Variants in UBE2V2 observed in about 807,000 individuals in gnomAD.
UBE2V2 encodes the protein ubiquitin conjugating enzyme E2 V2.
In UBE2V2, 9 loss-of-function variants were observed where a neutral mutation model predicts 17.2. The ratio of observed to expected loss-of-function variants is 0.52; its 90% CI spans 0.32 to 0.91. The LOEUF (loss-of-function observed/expected upper bound fraction) is 0.91. UBE2V2 is among the 40% of genes least tolerant of loss of function. UBE2V2 has a pLI of 0.04. For synonymous variants in UBE2V2, 61 were observed against 57.5 expected (o/e 1.06, Z -0.28); for missense variants, 133 against 182.6 (o/e 0.73, Z 1.56).
intron 1 of UBE2V2, 193 bp from the exon 2 acceptor site, chr8:48,042,839 AG>A (rs1343944173): frequency 2.0e-5 from 9 of 448,554 alleles, no homozygotes; most frequent in Non-Finnish European, 3.4e-5. Context: ...TGTTTGGTAC[AG>A]TGCTTTCTTT....
At chr8:48,030,727 C>A (rs2091376535) in intron 1 of UBE2V2, among the ~76,000 whole-genome samples, 1 of 151,416 alleles carries the variant, frequency 6.6e-6, no homozygotes, top group Non-Finnish European at 1.5e-5. Flanking sequence ...AAACAAAAAA[C>A]AAAACAAAAA....
At chr8:48,007,379 ATCT>A (rs765847431), upstream of UBE2V2, among the ~76,000 whole-genome samples, 13 of 152,160 alleles carry the variant, frequency 8.5e-5, no homozygotes, top group Non-Finnish European at 1.8e-4. Context: ...TCAGCCCCAA[ATCT>A]TCTTAAGCTG....
At chr8:48,030,791 G>T (rs1400456534) in intron 1 of UBE2V2, among the ~76,000 whole-genome samples, 5 of 152,146 alleles carry the variant, frequency 3.3e-5, no homozygotes, top group Non-Finnish European at 7.3e-5. Context: ...GGAGGCTGAG[G>T]TGGGCGGATC....
intron 1 of UBE2V2, among the ~76,000 whole-genome samples, chr8:48,032,829 A>ATTCTT (rs1196841295): frequency 2.6e-5 from 4 of 152,120 alleles, no homozygotes; most frequent in Admixed American, 2.6e-4. Flanking sequence ...GTCAACAAAT[A>ATTCTT]GTGTTCTTGA....
Position 48,008,463 on chromosome 8 carries a change from C to G in UBE2V2, c.9C>G (p.Val3=), listed in dbSNP as rs367584429. ...TCGGGCTGCAGGAGAAGATGGCGGT[C>G]TCCACAGGTCGGTTCCCGGGCCGGG... MA[V]STGVKVPRNF... Residue 3 remains valine, a synonymous_variant, in exon 1 of 4, where the codon GTC becomes GTG. Coordinates refer to ENST00000523111, the MANE Select transcript of UBE2V2 (RefSeq NM_003350.3). 1.8e-4 allele frequency: 276 copies of G among 1,567,950 alleles called. No individual in the cohort carries two copies. The highest frequency in any genetic ancestry group is 2.3e-4 in the Non-Finnish European group (262 of 1,159,254).
chr8:48,002,829 T>C, the UBE2V2 span, among the ~76,000 whole-genome samples: 1 of 152,186 alleles, frequency 6.6e-6, no homozygotes, highest in Non-Finnish European at 1.5e-5. Flanking sequence ...TACCAGAATA[T>C]GATACGTATG....
chr8:48,024,908 T>A (rs1019958156), intron 1 of UBE2V2, among the ~76,000 whole-genome samples: 1 of 152,026 alleles, frequency 6.6e-6, no homozygotes, highest in Non-Finnish European at 1.5e-5. Flanking sequence ...TGCAGGTAAA[T>A]ACATATATAT....
chr8:48,043,003 T>TTACATTAC, intron 1 of UBE2V2, 30 bp from the exon 2 acceptor site: 3 of 1,433,192 alleles, frequency 2.1e-6, no homozygotes, highest in Non-Finnish European at 2.8e-6. Context: ...TATGAGCTTT[T>TTACATTAC]TACATTTACA....
the UBE2V2 span, among the ~76,000 whole-genome samples, chr8:47,997,468 T>A: frequency 6.6e-6 from 1 of 152,016 alleles, no homozygotes. Context: ...GTCATCCGCA[T>A]GGGCCTGGGC....
upstream of UBE2V2, among the ~76,000 whole-genome samples, chr8:48,005,315 A>G (rs1463546208): frequency 6.6e-6 from 1 of 152,172 alleles, no homozygotes; most frequent in African/African-American, 2.4e-5. Flanking sequence ...GACGGTTTCC[A>G]GCATCATCCA....
rs202049026 is a variant in UBE2V2, at chr8:48,053,807, G to GT, written c.291+3843dup. ...TGGCTTTCTCTTGTTTCCCCTTCCT[G>GT]TTTTTTTTTTTTTTGAGATGAGGTT... On this transcript the variant is annotated intron_variant, in intron 3 of 3. Coordinates refer to ENST00000523111, the MANE Select transcript of UBE2V2 (RefSeq NM_003350.3). Among the ~76,000 whole-genome samples the GT allele has an allele frequency of 5.2e-3, 706 of 135,756 alleles. 4 individuals carry two copies. Among genetic ancestry groups the GT allele is most frequent in the South Asian group, 8.2e-3 (35 of 4,246 alleles). The allele number at this position is 135,756 out of a possible 152,430, so 89.1% of individuals were successfully genotyped here. A position where few individuals can be genotyped will look rare whatever the true frequency, so the allele number is the denominator to read the frequency against.
chr8:48,016,718 G>T (rs2091271255), intron 1 of UBE2V2, among the ~76,000 whole-genome samples: 1 of 150,732 alleles, frequency 6.6e-6, no homozygotes, highest in African/African-American at 2.4e-5. Context: ...CCAACCTCAG[G>T]TGATCTTCCC....
chr8:48,050,026 T>TC, intron 3 of UBE2V2, 48 bp downstream of exon 3: 3 of 1,285,752 alleles, frequency 2.3e-6, no homozygotes, highest in Non-Finnish European at 3.2e-6. Context: ...ATGTATAGAG[T>TC]TATATATTAT....
chr8:48,001,832 G>A, the UBE2V2 span, among the ~76,000 whole-genome samples: 196 of 152,358 alleles, frequency 1.3e-3, no homozygotes, highest in Non-Finnish European at 1.6e-3. Flanking sequence ...GCTCATGCCT[G>A]TAATCCCAGC....
intron 2 of UBE2V2, among the ~76,000 whole-genome samples, chr8:48,043,818 A>AT (rs1166540866): frequency 6.6e-6 from 1 of 150,714 alleles, no homozygotes; most frequent in East Asian, 1.9e-4. Context: ...TGATTCTTAC[A>AT]TTTTTTTCTA....
the UBE2V2 span, among the ~76,000 whole-genome samples, chr8:47,998,716 C>G: frequency 1.3e-5 from 2 of 150,966 alleles, no homozygotes; most frequent in East Asian, 2.0e-4. Context: ...GAGAGAGAGA[C>G]AGAGAGCGAG....
At position 48,008,433 on chromosome 8, in the gene UBE2V2, C is replaced by G. The variant is rs1446593653; in HGVS notation, c.-22C>G. 3 of 1,563,606 alleles carry G rather than the reference C, an allele frequency of 1.9e-6. No homozygotes were observed. Among genetic ancestry groups the G allele is most frequent in the South Asian group, 1.2e-5 (1 of 86,730 alleles). ...ACGGTTCGTGCGTGCGTGCGGGCGGCTGCGTCGGGCTGCAGGAGAAGATGG... is the reference window on the plus strand; with the variant it reads ...ACGGTTCGTGCGTGCGTGCGGGCGGGTGCGTCGGGCTGCAGGAGAAGATGG... On this transcript the variant is annotated 5_prime_UTR_variant, in exon 1 of 4. Coordinates refer to ENST00000523111, the MANE Select transcript of UBE2V2 (RefSeq NM_003350.3).
the UBE2V2 span, among the ~76,000 whole-genome samples, chr8:48,002,516 G>C: frequency 1.3e-5 from 2 of 152,104 alleles, no homozygotes; most frequent in African/African-American, 2.4e-5. Context: ...GGCCAGGCAT[G>C]GTGGCTCACA....
Position 48,035,639 on chromosome 8 carries a change from G to T in UBE2V2, c.17-7394G>T, listed in dbSNP as rs1473587142. Among the ~76,000 whole-genome samples, 176 of 124,900 alleles carry T rather than the reference G, an allele frequency of 1.4e-3. 5 individuals carry two copies. Among genetic ancestry groups the T allele is most frequent in the African/African-American group, 5.8e-3 (166 of 28,530 alleles). 81.9% of individuals were successfully genotyped at this position (124,900 alleles called of 152,430 possible). On this transcript the variant is annotated intron_variant, in intron 1 of 3. Transcript: ENST00000523111. ...TTATTGTTTTTTTTTTTTTGTGTGT[G>T]TGTGTGTGTGTGTGTGTGTGTATAT... is the stretch of plus-strand genomic sequence containing the variant.
Sources: allele counts gnomAD v4.1 joint callset (sites outside exome capture counted in the v4.1 genomes callset), GRCh38; gene constraint gnomAD v4.1.1; transcripts MANE v1.5; gene names NCBI Gene and HGNC (gene_info 2026-07-23, HGNC 2026-07-21).